EYS: variants seen among roughly 807,000 people sequenced by gnomAD.
EYS encodes EGF-like photoreceptor maintenance factor.
In EYS, 250 loss-of-function variants were observed where a neutral mutation model predicts 282.1. That is an observed-to-expected ratio of 0.89 (90% confidence interval 0.80 to 0.98). The LOEUF is 0.98. EYS is among the 50% of genes least tolerant of loss of function. The probability of loss-of-function intolerance (pLI) is 0.00; values close to 1 mark genes in which losing one functional copy is unlikely to be tolerated. For missense variants in EYS, 4,016 were observed against 3,709.0 expected (o/e 1.08, Z -2.15); for synonymous variants, 1,355 against 1,282.9 (o/e 1.06, Z -1.20).
chr6:64,728,582 A>C (rs943250609), intron 22 of EYS, among the ~76,000 whole-genome samples: 1 of 152,066 alleles, frequency 6.6e-6, no homozygotes, highest in African/African-American at 2.4e-5. Flanking sequence ...TGATCTGCCC[A>C]CCTTGACCTC....
intron 22 of EYS, among the ~76,000 whole-genome samples, chr6:64,715,098 T>TA (rs1301272604): frequency 6.6e-6 from 1 of 151,842 alleles, no homozygotes; most frequent in Non-Finnish European, 1.5e-5. Flanking sequence ...GGGGGTGAGA[T>TA]ATGGTTTTTG....
chr6:64,883,553 T>C (rs1264672489), intron 19 of EYS, among the ~76,000 whole-genome samples: 2 of 151,422 alleles, frequency 1.3e-5, no homozygotes, highest in Non-Finnish European at 3.0e-5. Flanking sequence ...ATTAATAATA[T>C]ATAATCGTGT....
intron 33 of EYS, among the ~76,000 whole-genome samples, chr6:64,020,168 A>G (rs12190415): frequency 0.27 from 41,395 of 152,004 alleles, 6,407 homozygotes; most frequent in Middle Eastern, 0.38. Flanking sequence ...GGGTGACTAT[A>G]GTTAACAACA....
intron 31 of EYS, among the ~76,000 whole-genome samples, chr6:64,225,247 G>T (rs1279087838): frequency 6.6e-6 from 1 of 152,038 alleles, no homozygotes; most frequent in Non-Finnish European, 1.5e-5. Context: ...GTGTAATCAT[G>T]TAAGTCTCCT....
chr6:64,469,976 C>CT (rs995822453), intron 26 of EYS, among the ~76,000 whole-genome samples: 1 of 152,174 alleles, frequency 6.6e-6, no homozygotes, highest in African/African-American at 2.4e-5. Context: ...CTCTCCCTCT[C>CT]TCTCTCTGCC....
At chr6:65,423,518 C>T (rs1019789568) in intron 5 of EYS, among the ~76,000 whole-genome samples, 2 of 151,904 alleles carry the variant, frequency 1.3e-5, no homozygotes, top group African/African-American at 4.8e-5. Context: ...ACTTCTGATT[C>T]AGCGGGTCTA....
chr6:65,511,126 T>TAAAAA (rs1192558816), intron 2 of EYS, among the ~76,000 whole-genome samples: 1 of 152,172 alleles, frequency 6.6e-6, no homozygotes, highest in Non-Finnish European at 1.5e-5. Context: ...AAACAGTAAC[T>TAAAAA]AGACTATTTT....
intron 42 of EYS, among the ~76,000 whole-genome samples, chr6:63,723,381 C>G (rs1025376766): frequency 1.3e-5 from 2 of 152,032 alleles, no homozygotes; most frequent in African/African-American, 4.8e-5. Flanking sequence ...TTATAGCAAC[C>G]TAAATATACT....
intron 31 of EYS, among the ~76,000 whole-genome samples, chr6:64,099,694 C>T (rs1772760731): frequency 6.6e-6 from 1 of 152,088 alleles, no homozygotes; most frequent in Non-Finnish European, 1.5e-5. Flanking sequence ...GAAGCTGACA[C>T]TTAGGAAAGT....
intron 26 of EYS, among the ~76,000 whole-genome samples, chr6:64,504,669 C>T (rs934855940): frequency 2.0e-5 from 3 of 152,142 alleles, no homozygotes; most frequent in African/African-American, 7.2e-5. Flanking sequence ...GGTGTTTCAT[C>T]ATAAGTAAAT....
chr6:64,704,500 AC>A lies in EYS; in HGVS notation c.3444-78256del, dbSNP rs1422060301. 4.8e-4 allele frequency among the ~76,000 whole-genome samples: 10 copies of A among 21,026 alleles called. 1 individual carries two copies. The highest frequency in any genetic ancestry group is 1.6e-3 in the Admixed American group (3 of 1,886). The allele number at this position is 21,026 out of a possible 152,430, so 13.8% of individuals were successfully genotyped here. On this transcript the variant is annotated intron_variant, in intron 22 of 42. Transcript: ENST00000503581. ...AATTATATTATAATTATAATATAAT[AC>A]TTATAATAATATTATAATTATAATA...
intron 5 of EYS, among the ~76,000 whole-genome samples, chr6:65,432,400 T>C (rs1767919716): frequency 6.6e-6 from 1 of 152,144 alleles, no homozygotes; most frequent in Non-Finnish European, 1.5e-5. Context: ...AAACCTATGA[T>C]TATGTAATAA....
chr6:64,174,649 G>A (rs1007916225), intron 31 of EYS, among the ~76,000 whole-genome samples: 4 of 151,640 alleles, frequency 2.6e-5, no homozygotes, highest in African/African-American at 7.2e-5. Flanking sequence ...CAACATAAAT[G>A]TAAAGATATT....
intron 2 of EYS, among the ~76,000 whole-genome samples, chr6:65,511,669 C>A (rs1766872757): frequency 6.6e-6 from 1 of 151,970 alleles, no homozygotes; most frequent in Non-Finnish European, 1.5e-5. Flanking sequence ...TCCAATAACT[C>A]AGGACAGGCG....
intron 36 of EYS, among the ~76,000 whole-genome samples, chr6:63,810,314 C>CA (rs1562037313): frequency 1.0e-3 from 145 of 142,084 alleles, no homozygotes; most frequent in African/African-American, 3.5e-3. Flanking sequence ...ACCCCCCCCC[C>CA]CAAAAAAACC....
intron 5 of EYS, among the ~76,000 whole-genome samples, chr6:65,483,767 G>A (rs1282965827): frequency 3.3e-5 from 5 of 152,052 alleles, no homozygotes; most frequent in Non-Finnish European, 5.9e-5. Flanking sequence ...GAAGTTTAAC[G>A]GACCTACAGT....
At chr6:64,929,653 T>C (rs973122864) in intron 15 of EYS, among the ~76,000 whole-genome samples, 5 of 152,172 alleles carry the variant, frequency 3.3e-5, no homozygotes, top group African/African-American at 1.2e-4. Context: ...GAGTTACTCC[T>C]TTTTGATAAA....
intron 12 of EYS, among the ~76,000 whole-genome samples, chr6:65,061,545 G>C (rs1180476806): frequency 6.6e-6 from 1 of 151,770 alleles, no homozygotes; most frequent in East Asian, 1.9e-4. Flanking sequence ...TTGACTATCA[G>C]ACACTTCATT....
chr6:65,498,898 C>G (rs1244641568), intron 2 of EYS, among the ~76,000 whole-genome samples: 1 of 151,976 alleles, frequency 6.6e-6, no homozygotes, highest in East Asian at 1.9e-4. Context: ...CAATTCTAAA[C>G]ACACATATTG....
Sources: allele counts gnomAD v4.1 joint callset (sites outside exome capture counted in the v4.1 genomes callset), GRCh38; gene constraint gnomAD v4.1.1; transcripts MANE v1.5; gene names NCBI Gene and HGNC (gene_info 2026-07-23, HGNC 2026-07-21).